TSPAN5: variants seen among roughly 807,000 people sequenced by gnomAD.
TSPAN5 encodes tetraspanin 5, also known as tetraspanin-5.
In TSPAN5, 10 loss-of-function variants were observed where a neutral mutation model predicts 37.1. That is an observed-to-expected ratio of 0.27 (90% CI 0.17 to 0.46). The LOEUF (loss-of-function observed/expected upper bound fraction) is 0.46. Ranked by LOEUF, TSPAN5 falls within the 20% of genes least tolerant of loss-of-function variation. The probability of loss-of-function intolerance (pLI) is 1.00; values close to 1 mark genes in which losing one functional copy is unlikely to be tolerated. For synonymous variants in TSPAN5, 110 were observed against 118.9 expected (o/e 0.93, Z 0.48); for missense variants, 195 against 326.6 (o/e 0.60, Z 3.11).
intron 1 of TSPAN5, among the ~76,000 whole-genome samples, chr4:98,615,369 T>C (rs1756300197): frequency 6.6e-6 from 1 of 152,222 alleles, no homozygotes; most frequent in Admixed American, 6.5e-5. Flanking sequence ...ACCTTTAAGG[T>C]TGTCATCGCC....
chr4:98,599,655 C>T (rs1358602449), intron 1 of TSPAN5, among the ~76,000 whole-genome samples: 1 of 152,160 alleles, frequency 6.6e-6, no homozygotes, highest in African/African-American at 2.4e-5. Context: ...TTGCCTGTTC[C>T]AGAACTTCAT....
intron 1 of TSPAN5, among the ~76,000 whole-genome samples, chr4:98,508,166 G>A (rs17027632): frequency 0.015 from 2,323 of 152,234 alleles, 30 homozygotes; most frequent in Non-Finnish European, 0.025. Context: ...GTCAGCGAGG[G>A]GCATGTAGAG....
intron 4 of TSPAN5, 109 bp downstream of exon 4, chr4:98,481,896 A>G: frequency 9.6e-7 from 1 of 1,038,516 alleles, no homozygotes; most frequent in South Asian, 1.4e-5. Flanking sequence ...CCCATGCAGA[A>G]TAGTCAGGTA....
At chr4:98,512,300 C>T (rs1753626026) in intron 1 of TSPAN5, among the ~76,000 whole-genome samples, 1 of 152,218 alleles carries the variant, frequency 6.6e-6, no homozygotes, top group Non-Finnish European at 1.5e-5. Flanking sequence ...AATCTGAATC[C>T]TTAGCCCAAG....
At chr4:98,539,704 T>C (rs1754316607) in intron 1 of TSPAN5, among the ~76,000 whole-genome samples, 1 of 152,206 alleles carries the variant, frequency 6.6e-6, no homozygotes, top group South Asian at 2.1e-4. Context: ...ACCTTCGATA[T>C]GGCCTTCAAT....
chr4:98,609,712 G>T (rs1045137058), intron 1 of TSPAN5, among the ~76,000 whole-genome samples: 1 of 152,112 alleles, frequency 6.6e-6, no homozygotes, highest in South Asian at 2.1e-4. Context: ...CAGTTCAGGG[G>T]TAATGTCCCA....
Position 98,627,658 on chromosome 4 carries a change from G to A in TSPAN5, c.81+30488C>T, listed in dbSNP as rs564646913. On this transcript the variant is annotated intron_variant, in intron 1 of 7. Coordinates refer to ENST00000305798, the MANE Select transcript of TSPAN5 (RefSeq NM_005723.4). ...ATGCAAATAAACCCCCTGGATTTCA[G>A]TGGGAACACAGCATGCAGCAGAACA... is the stretch of plus-strand genomic sequence containing the variant. Among the ~76,000 whole-genome samples the A allele has an allele frequency of 2.0e-5, 3 of 152,300 alleles. No individual in the cohort carries two copies. In the East Asian group the frequency reaches 5.8e-4, roughly 29 times the overall value.
intron 3 of TSPAN5, 67 bp from the exon 4 acceptor site, chr4:98,482,242 G>T (rs554792801): frequency 9.7e-6 from 14 of 1,447,114 alleles, no homozygotes; most frequent in Non-Finnish European, 1.3e-5. Context: ...TAGCTAAATG[G>T]TTCCTCTCTA....
At chr4:98,562,546 A>T (rs141734478) in intron 1 of TSPAN5, among the ~76,000 whole-genome samples, 425 of 152,248 alleles carry the variant, frequency 2.8e-3, no homozygotes, top group South Asian at 6.9e-3. Flanking sequence ...CTGTAGTCCC[A>T]GCTACTCAGG....
At chr4:98,657,700 C>G (rs749472555) in intron 1 of TSPAN5, 64 of 240,548 alleles carry the variant, frequency 2.7e-4, no homozygotes, top group Middle Eastern at 1.5e-3. Context: ...AACACGGAGC[C>G]AAGCCCTCGT....
At chr4:98,600,700 C>T (rs965647321) in intron 1 of TSPAN5, among the ~76,000 whole-genome samples, 2 of 152,178 alleles carry the variant, frequency 1.3e-5, no homozygotes, top group African/African-American at 2.4e-5. Context: ...TCTTGGATCC[C>T]TCAAAGACAT....
At chr4:98,627,808 A>T (rs562072854) in intron 1 of TSPAN5, among the ~76,000 whole-genome samples, 1 of 152,358 alleles carries the variant, frequency 6.6e-6, no homozygotes, top group South Asian at 2.1e-4. Context: ...GGGGTTGAAA[A>T]TAGAAAAAGT....
At chr4:98,560,352 T>C (rs1754852642) in intron 1 of TSPAN5, 1 of 152,230 alleles carries the variant, frequency 6.6e-6, no homozygotes, top group Non-Finnish European at 1.5e-5. Context: ...CATGATTTTC[T>C]AAAACTTTAA....
At chr4:98,620,309 G>A (rs1001723591) in intron 1 of TSPAN5, among the ~76,000 whole-genome samples, 2 of 152,162 alleles carry the variant, frequency 1.3e-5, no homozygotes, top group African/African-American at 4.8e-5. Flanking sequence ...ACCACAGTAG[G>A]AGCCATGGTC....
chr4:98,653,987 G>A (rs1219704046), intron 1 of TSPAN5, among the ~76,000 whole-genome samples: 1 of 152,186 alleles, frequency 6.6e-6, no homozygotes, highest in Non-Finnish European at 1.5e-5. Context: ...AGTTCTAAGT[G>A]GAACCTTAAC....
chr4:98,484,242 A>G, intron 3 of TSPAN5: 1 of 354,362 alleles, frequency 2.8e-6, no homozygotes, highest in East Asian at 7.4e-5. Flanking sequence ...ACACTGACTC[A>G]CAGGCTTCAC....
At chr4:98,584,696 A>G (rs1159275840) in intron 1 of TSPAN5, among the ~76,000 whole-genome samples, 1 of 152,228 alleles carries the variant, frequency 6.6e-6, no homozygotes, top group African/African-American at 2.4e-5. Flanking sequence ...ACTTGTTCTT[A>G]TCCCAAGTTT....
intron 1 of TSPAN5, among the ~76,000 whole-genome samples, chr4:98,535,803 C>T (rs1187661098): frequency 6.6e-6 from 1 of 152,026 alleles, no homozygotes; most frequent in Non-Finnish European, 1.5e-5. Context: ...CATTGCTATC[C>T]TTTCTTTTGC....
chr4:98,513,416 G>A (rs1036879406), intron 1 of TSPAN5, among the ~76,000 whole-genome samples: 1 of 152,118 alleles, frequency 6.6e-6, no homozygotes, highest in South Asian at 2.1e-4. Context: ...ATTAGAGTCT[G>A]AGTGCATCTA....
Sources: gnomAD v4.1 joint callset for allele counts (sites outside exome capture counted in the v4.1 genomes callset) on GRCh38, gnomAD v4.1.1 for gene constraint, MANE v1.5 for transcripts, NCBI Gene and HGNC (gene_info 2026-07-23, HGNC 2026-07-21) for gene names.